Variants in RCOR1 observed in about 807,000 individuals in gnomAD.
RCOR1 encodes REST corepressor.
RCOR1 carries 12 observed loss-of-function variants against 64.0 expected under a neutral mutation model. That is an observed-to-expected ratio of 0.19 (90% confidence interval 0.12 to 0.30). RCOR1 has a LOEUF of 0.30. Among genes scored for constraint, RCOR1 ranks in the 10% least tolerant of loss-of-function variants. The pLI is 1.00. For missense variants in RCOR1, 502 were observed against 621.2 expected (o/e 0.81, Z 2.04); for synonymous variants, 279 against 227.2 (o/e 1.23, Z -2.05).
chr14:102,593,269 G>A lies in RCOR1; in HGVS notation c.305G>A (p.Gly102Asp). ...SGSSSDEEHGGGGMRVGPQYQ... is the reference protein window; with the variant it reads ...SGSSSDEEHGDGGMRVGPQYQ... Reference sequence around the variant, plus strand: ...CCGTATTCTGCTTCCCCCGCAGGTGGCGGTGGCATGAGGGTCGGACCCCAG... The same window carrying A: ...CCGTATTCTGCTTCCCCCGCAGGTGACGGTGGCATGAGGGTCGGACCCCAG... The change falls in exon 2 of 12, where the codon GGC becomes GAC. Residue 102 changes from glycine (G) to aspartate (D), a missense_variant. Transcript: ENST00000262241. The A allele has an allele frequency of 6.5e-7, 1 of 1,533,718 alleles. No individual in the cohort carries two copies. Among genetic ancestry groups the A allele is most frequent in the Non-Finnish European group, 8.7e-7 (1 of 1,145,598 alleles).
chr14:102,705,970 C>G (rs569643642), intron 4 of RCOR1, among the ~76,000 whole-genome samples: 5 of 150,818 alleles, frequency 3.3e-5, no homozygotes, highest in African/African-American at 9.8e-5. Context: ...AAACTAGCTG[C>G]GCATGGTGGC....
At chr14:102,719,625 C>G (rs1896138239) in intron 8 of RCOR1, among the ~76,000 whole-genome samples, 1 of 152,094 alleles carries the variant, frequency 6.6e-6, no homozygotes, top group Non-Finnish European at 1.5e-5. Flanking sequence ...TATATGCAGC[C>G]TAGATATTTC....
At chr14:102,695,401 T>G (rs199766857) in intron 3 of RCOR1, 1 of 142,186 alleles carries the variant, frequency 7.0e-6, no homozygotes, top group Non-Finnish European at 1.5e-5. Context: ...TGGTCCGAAG[T>G]AGTGAGTTAT....
chr14:102,707,206 G>T, intron 4 of RCOR1, 145 bp from the exon 5 acceptor site: 1 of 562,582 alleles, frequency 1.8e-6, no homozygotes, highest in South Asian at 2.9e-5. Flanking sequence ...AGAAAAAGGG[G>T]CCTCTGACAG....
intron 2 of RCOR1, among the ~76,000 whole-genome samples, chr14:102,637,468 T>A (rs1328016638): frequency 6.6e-6 from 1 of 152,060 alleles, no homozygotes; most frequent in African/African-American, 2.4e-5. Context: ...AAAATGTTTC[T>A]GAGACAGGAT....
Position 102,660,002 on chromosome 14 carries a change from T to C in RCOR1, c.362-21893T>C, listed in dbSNP as rs146251230. Among the ~76,000 whole-genome samples, 17 of 152,360 alleles carry C rather than the reference T, an allele frequency of 1.1e-4. No homozygotes were observed. In the East Asian group the frequency reaches 2.7e-3, roughly 24 times the overall value. On this transcript the variant is annotated intron_variant, in intron 2 of 11. Transcript: ENST00000262241. ...GGTGAGTCGCATGCTCATGGTGTGC[T>C]GAGGCATTTAGCCAAGCAGCTTATG...
chr14:102,610,838 G>A (rs1856761753), intron 2 of RCOR1, among the ~76,000 whole-genome samples: 1 of 152,132 alleles, frequency 6.6e-6, no homozygotes, highest in Non-Finnish European at 1.5e-5. Flanking sequence ...ACAGGCGTGA[G>A]CCACCGTGCC....
chr14:102,635,440 G>C (rs1894215952), intron 2 of RCOR1, among the ~76,000 whole-genome samples: 1 of 152,092 alleles, frequency 6.6e-6, no homozygotes, highest in African/African-American at 2.4e-5. Flanking sequence ...GGAGGCGGAG[G>C]TTGCAGTGAG....
chr14:102,638,508 G>C (rs1894292592), intron 2 of RCOR1, among the ~76,000 whole-genome samples: 1 of 151,968 alleles, frequency 6.6e-6, no homozygotes. Flanking sequence ...ACCATGCCCA[G>C]CTCATTTTTG....
In RCOR1 at chr14:102,681,988, G is replaced by A. The variant is rs2139961071; in HGVS notation, c.445+10G>A. On this transcript the variant is annotated intron_variant, in intron 3 of 11. Transcript: ENST00000262241. ...CTGTCAGAAGCAAAGTGTAAGTCTT[G>A]GAGCACTTTATTTTCCACCTTTCTT... 1.9e-6 allele frequency: 3 copies of A among 1,597,078 alleles called. No individual in the cohort carries two copies. Among genetic ancestry groups the A allele is most frequent in the South Asian group, 1.1e-5 (1 of 90,456 alleles).
chr14:102,616,865 A>G (rs1470492650), intron 2 of RCOR1, among the ~76,000 whole-genome samples: 2 of 152,180 alleles, frequency 1.3e-5, no homozygotes, highest in African/African-American at 4.8e-5. Context: ...GTGATGAATT[A>G]AAAGTTCAGT....
At position 102,614,465 on chromosome 14, in the gene RCOR1, C is replaced by G. The variant is rs559668096; in HGVS notation, c.361+21140C>G. 9.9e-5 allele frequency among the ~76,000 whole-genome samples: 15 copies of G among 151,648 alleles called. No homozygotes were observed. In the South Asian group the frequency reaches 2.7e-3, roughly 27 times the overall value. On this transcript the variant is annotated intron_variant, in intron 2 of 11. Coordinates refer to ENST00000262241, the MANE Select transcript of RCOR1 (RefSeq NM_015156.4). ...GGTCTCGATCTCTTGACCTCGTGAT[C>G]CGCCCGCCTCGGCCTCCCAAAGTGC...
intron 2 of RCOR1, among the ~76,000 whole-genome samples, chr14:102,648,287 G>A (rs931602962): frequency 4.6e-5 from 7 of 152,126 alleles, no homozygotes; most frequent in South Asian, 2.1e-4. Flanking sequence ...CCATGTCGGC[G>A]AGGCTGGTCT....
At chr14:102,683,871 C>T (rs548880166) in intron 3 of RCOR1, among the ~76,000 whole-genome samples, 73 of 152,358 alleles carry the variant, frequency 4.8e-4, no homozygotes, top group Non-Finnish European at 7.5e-4. Context: ...CCCCATACAC[C>T]AGTCCCTAGC....
At chr14:102,615,584 G>T (rs1893743292) in intron 2 of RCOR1, among the ~76,000 whole-genome samples, 1 of 151,946 alleles carries the variant, frequency 6.6e-6, no homozygotes, top group South Asian at 2.1e-4. Flanking sequence ...AAGTAGCTGG[G>T]ATTACAGGTG....
chr14:102,661,033 A>G (rs1034503539), intron 2 of RCOR1, among the ~76,000 whole-genome samples: 1 of 152,180 alleles, frequency 6.6e-6, no homozygotes, highest in Non-Finnish European at 1.5e-5. Flanking sequence ...AATCCTCACA[A>G]ATCTGGATCA....
At chr14:102,672,199 T>C (rs1185056409) in intron 2 of RCOR1, among the ~76,000 whole-genome samples, 1 of 152,124 alleles carries the variant, frequency 6.6e-6, no homozygotes, top group Non-Finnish European at 1.5e-5. Context: ...GAGTGGATTT[T>C]CTGGGTTATA....
At chr14:102,659,391 T>C (rs947141515) in intron 2 of RCOR1, 6 of 410,798 alleles carry the variant, frequency 1.5e-5, no homozygotes, top group African/African-American at 1.3e-4. Flanking sequence ...GGTAACAATA[T>C]TAACAACAAT....
intron 2 of RCOR1, among the ~76,000 whole-genome samples, chr14:102,608,996 G>T (rs1264914008): frequency 7.0e-6 from 1 of 143,274 alleles, no homozygotes. Context: ...TAGTGGAATT[G>T]CTGGGTTATG....
Sources: allele counts gnomAD v4.1 joint callset (sites outside exome capture counted in the v4.1 genomes callset), GRCh38; gene constraint gnomAD v4.1.1; transcripts MANE v1.5; gene names NCBI Gene and HGNC (gene_info 2026-07-23, HGNC 2026-07-21).